Variants in NNAT observed in about 807,000 individuals in gnomAD.
The protein encoded by NNAT is neuronatin.
In NNAT, 8 loss-of-function variants were observed where a neutral mutation model predicts 12.7. The observed-to-expected ratio is 0.63, with a 90% CI of 0.37 to 1.14. The LOEUF (loss-of-function observed/expected upper bound fraction) is 1.14, where lower values mean the gene tolerates loss of function less well. NNAT is among the 50% of genes most tolerant of loss of function. The probability of loss-of-function intolerance (pLI) is 0.01; values close to 1 mark genes in which losing one functional copy is unlikely to be tolerated. For synonymous variants in NNAT, 52 were observed against 48.5 expected, an observed-to-expected ratio of 1.07 and a Z score of -0.30; for missense variants, 94 against 108.3, an observed-to-expected ratio of 0.87 and a Z score of 0.59.
In NNAT at chr20:37,522,905, T is replaced by G. The variant is rs1330775582; in HGVS notation, c.*146T>G. On this transcript the variant is annotated 3_prime_UTR_variant, in exon 3 of 3. Coordinates refer to ENST00000649451, the MANE Select transcript of NNAT (RefSeq NM_005386.4). ...CTTGGCAAGGTCAGTGAGGGGCCAG[T>G]AGACCCCCGGAGAAGCAGTACCGAC... The G allele has an allele frequency of 3.1e-6, 2 of 642,348 alleles. No individual in the cohort carries two copies. Among genetic ancestry groups the G allele is most frequent in the Non-Finnish European group, 5.3e-6 (2 of 379,158 alleles). The allele number at this position is 642,348 out of a possible 1,614,324, so 39.8% of individuals were successfully genotyped here. A position where few individuals can be genotyped will look rare whatever the true frequency, so the allele number is the denominator to read the frequency against.
Position 37,522,659 on chromosome 20 carries a change from C to G in NNAT, c.154-8C>G. 6.2e-7 allele frequency: 1 copy of G among 1,607,856 alleles called. No individual in the cohort carries two copies. Among genetic ancestry groups the G allele is most frequent in the Non-Finnish European group, 8.5e-7 (1 of 1,177,372 alleles). On this transcript the variant is annotated splice_polypyrimidine_tract_variant and splice_region_variant and intron_variant, in intron 2 of 2. Transcript: ENST00000649451. ...CACTAAGGGTGGGTCCTGGGTTTCT[C>G]GTCGCAGGTGTTCAGGTACTCCCTG... is the stretch of plus-strand genomic sequence containing the variant.
At chr20:37,522,007 GA>G (rs552135341) in intron 1 of NNAT, among the ~76,000 whole-genome samples, 2 of 149,704 alleles carry the variant, frequency 1.3e-5, no homozygotes, top group East Asian at 1.9e-4. Context: ...GCACTTGGCA[GA>G]AAAAAATGCA....
rs925403570 is a variant in NNAT at position 37,522,860 on chromosome 20, G to C, written c.*101G>C. 3.6e-6 allele frequency: 4 copies of C among 1,098,190 alleles called. No homozygotes were observed. In the East Asian group the frequency reaches 1.1e-4, roughly 29 times the overall value. 68.0% of individuals were successfully genotyped at this position (1,098,190 alleles called of 1,614,324 possible). A position where few individuals can be genotyped will look rare whatever the true frequency, so the allele number is the denominator to read the frequency against. On this transcript the variant is annotated 3_prime_UTR_variant, in exon 3 of 3. Transcript: ENST00000649451. ...CGCGCAGGAATGTGGGGTCCCCTGT[G>C]TTCCCTCGCCAGAGGAGCACTTGGC... is the stretch of plus-strand genomic sequence containing the variant.
chr20:37,522,469 G>C, intron 2 of NNAT, 31 bp downstream of exon 2: 1 of 1,591,800 alleles, frequency 6.3e-7, no homozygotes, highest in African/African-American at 1.3e-5. Context: ...CAATCAGCTT[G>C]CCGCCATGCA....
chr20:37,522,189 A>AT (rs1555806945), intron 1 of NNAT, among the ~76,000 whole-genome samples, 169 bp from the exon 2 acceptor site: 39,354 of 73,600 alleles, frequency 0.53, 6,270 homozygotes, highest in South Asian at 0.66. Context: ...ACAAAAAAAA[A>AT]AATAATAATA....
chr20:37,522,384 G>A lies in NNAT; in HGVS notation c.99G>A (p.Trp33Ter). The A allele has an allele frequency of 6.2e-7, 1 of 1,613,754 alleles. No homozygotes were observed. Among genetic ancestry groups the A allele is most frequent in the Non-Finnish European group, 8.5e-7 (1 of 1,179,884 alleles). Reference sequence around the variant, plus strand: ...TGTTCCTGGAATGCTGCATTTACTGGGTAGGATTCGCTTTTCGAAATCCTC... The same window carrying A: ...TGTTCCTGGAATGCTGCATTTACTGAGTAGGATTCGCTTTTCGAAATCCTC... Reference protein sequence around the residue: ...LQVFLECCIYWVGFAFRNPPG... With the variant: ...LQVFLECCIY Residue 33 changes from tryptophan to a stop codon, truncating the protein, a stop_gained, in exon 2 of 3, where the codon TGG becomes TGA. Coordinates refer to ENST00000649451, the MANE Select transcript of NNAT (RefSeq NM_005386.4). LOFTEE classifies it high-confidence loss of function.
In NNAT at chr20:37,523,464, C is replaced by G. The variant is rs2071660752; in HGVS notation, c.*705C>G. 1 of 152,762 alleles carries G rather than the reference C, an allele frequency of 6.5e-6. No homozygotes were observed. Among genetic ancestry groups the G allele is most frequent in the Admixed American group, 6.5e-5 (1 of 15,290 alleles). The allele number at this position is 152,762 out of a possible 1,614,324, so 9.5% of individuals were successfully genotyped here. ...TTACTAAAACACTTTCTCTGAACCC[C>G]CCTTGCCCCTCACTGATCTTGCTTT... On this transcript the variant is annotated 3_prime_UTR_variant, in exon 3 of 3. Coordinates refer to ENST00000649451, the MANE Select transcript of NNAT (RefSeq NM_005386.4).
rs1295042525 is a variant in NNAT, at chr20:37,521,762, A to G, written c.72+359A>G. 5.0e-5 allele frequency: 10 copies of G among 198,570 alleles called. No homozygotes were observed. Among genetic ancestry groups the G allele is most frequent in the Non-Finnish European group, 1.0e-5 (1 of 98,900 alleles). The allele number at this position is 198,570 out of a possible 1,614,324, so 12.3% of individuals were successfully genotyped here. A position where few individuals can be genotyped will look rare whatever the true frequency, so the allele number is the denominator to read the frequency against. The stretch of plus-strand genomic sequence containing the variant: ...GCACTACTGTGTTGAAAGACTTTAC[A>G]GCTCGCAGAGTGAAAATTTTCCACC... On this transcript the variant is annotated intron_variant, in intron 1 of 2. Transcript: ENST00000649451. This position sits in a 1 kb window ranked among gnomAD's most constrained non-coding sequence, Gnocchi z 4.5.
Position 37,521,734 on chromosome 20 carries a change from G to A in NNAT, c.72+331G>A, listed in dbSNP as rs1028268352. The A allele has an allele frequency of 6.6e-5, 20 of 303,732 alleles. No homozygotes were observed. Among genetic ancestry groups the A allele is most frequent in the African/African-American group, 4.2e-4 (19 of 45,724 alleles). 18.8% of individuals were successfully genotyped at this position (303,732 alleles called of 1,614,324 possible). A position where few individuals can be genotyped will look rare whatever the true frequency, so the allele number is the denominator to read the frequency against. ...CCGGACTCGACCCCAGGAGGGAGGC[G>A]GGGCACTACTGTGTTGAAAGACTTT... is the stretch of plus-strand genomic sequence containing the variant. On this transcript the variant is annotated intron_variant, in intron 1 of 2. Coordinates refer to ENST00000649451, the MANE Select transcript of NNAT (RefSeq NM_005386.4). The surrounding 1 kb of genome is among the most constrained non-coding windows in gnomAD (Gnocchi z 4.5).
chr20:37,522,694 G>A lies in NNAT; in HGVS notation c.181G>A (p.Ala61Thr), dbSNP rs1218987541. 6.2e-7 allele frequency: 1 copy of A among 1,612,270 alleles called. No homozygotes were observed. The highest frequency in any genetic ancestry group is 2.2e-5 in the East Asian group (1 of 44,798). The change falls in exon 3 of 3, where the codon GCA becomes ACA. Residue 61 changes from alanine to threonine, a missense_variant. Transcript: ENST00000649451. The stretch of plus-strand genomic sequence containing the variant: ...GTTCAGGTACTCCCTGCAGAAGCTG[G>A]CATACACGGTGTCGCGGACCGGGCG... ...EVFRYSLQKL[A>T]YTVSRTGRQV...
In NNAT at chr20:37,521,275, A is replaced by G; in HGVS notation, c.-57A>G. On this transcript the variant is annotated 5_prime_UTR_variant, in exon 1 of 3. Coordinates refer to ENST00000649451, the MANE Select transcript of NNAT (RefSeq NM_005386.4). This position sits in a 1 kb window ranked among gnomAD's most constrained non-coding sequence, Gnocchi z 4.5. ...AGTGCGCCCAACAGCGGACTCCGAG[A>G]CCAGCGGATCTCGGCAAACCCTCTT... is the stretch of plus-strand genomic sequence containing the variant. 1 of 1,579,250 alleles carries G rather than the reference A, an allele frequency of 6.3e-7. No individual in the cohort carries two copies. Among genetic ancestry groups the G allele is most frequent in the South Asian group, 1.1e-5 (1 of 90,310 alleles).
At position 37,523,609 on chromosome 20, in the gene NNAT, C is replaced by T. The variant is rs1443689364; in HGVS notation, c.*850C>T. 1.3e-5 allele frequency: 2 copies of T among 152,696 alleles called. No individual in the cohort carries two copies. The highest frequency in any genetic ancestry group is 1.9e-4 in the East Asian group (1 of 5,200). The allele number at this position is 152,696 out of a possible 1,614,324, so 9.5% of individuals were successfully genotyped here. On this transcript the variant is annotated 3_prime_UTR_variant, in exon 3 of 3. Transcript: ENST00000649451. ...GTAAGCTCCTGGAGGACAGGGACCA[C>T]CTCTACAAAAAATAAAAAAAGTACC...
intron 2 of NNAT, 69 bp from the exon 3 acceptor site, chr20:37,522,598 G>GCGC: frequency 2.3e-6 from 2 of 864,472 alleles, no homozygotes; most frequent in African/African-American, 1.8e-5. Flanking sequence ...GCGGGGGTGG[G>GCGC]CACGGCAGCA....
chr20:37,522,386 T>C lies in NNAT; in HGVS notation c.101T>C (p.Val34Ala). 1 of 1,613,958 alleles carries C rather than the reference T, an allele frequency of 6.2e-7. No individual in the cohort carries two copies. Among genetic ancestry groups the C allele is most frequent in the Non-Finnish European group, 8.5e-7 (1 of 1,179,962 alleles). ...TTCCTGGAATGCTGCATTTACTGGG[T>C]AGGATTCGCTTTTCGAAATCCTCCA... ...QVFLECCIYWVGFAFRNPPGT... is the reference protein window; with the variant it reads ...QVFLECCIYWAGFAFRNPPGT... The change falls in exon 2 of 3, where the codon GTA (valine) becomes GCA (alanine). Residue 34 changes from valine (V) to alanine (A), a missense_variant. Coordinates refer to ENST00000649451, the MANE Select transcript of NNAT (RefSeq NM_005386.4).
chr20:37,522,611 A>G, intron 2 of NNAT, 56 bp from the exon 3 acceptor site: 1 of 1,513,960 alleles, frequency 6.6e-7, no homozygotes, highest in Non-Finnish European at 9.0e-7. Context: ...CGGCAGCACC[A>G]CAGACATGCT....
intron 1 of NNAT, 89 bp from the exon 2 acceptor site, chr20:37,522,269 T>C (rs1043453247): frequency 1.9e-5 from 19 of 991,674 alleles, no homozygotes; most frequent in Non-Finnish European, 2.8e-5. Context: ...GCTTTGCCCA[T>C]AAAATCATTT....
rs1601095374 is a variant in NNAT at position 37,522,811 on chromosome 20, C to T, written c.*52C>T. Reference sequence around the variant, plus strand: ...CGTATCATCAGGTGCTCCTGTGCATCTCGGCCAGCACGGGAGCCAGTGCCG... The same window carrying T: ...CGTATCATCAGGTGCTCCTGTGCATTTCGGCCAGCACGGGAGCCAGTGCCG... On this transcript the variant is annotated 3_prime_UTR_variant, in exon 3 of 3. Transcript: ENST00000649451. 6.7e-7 allele frequency: 1 copy of T among 1,491,392 alleles called. No homozygotes were observed. Among genetic ancestry groups the T allele is most frequent in the South Asian group, 1.2e-5 (1 of 81,368 alleles). 92.4% of individuals were successfully genotyped at this position (1,491,392 alleles called of 1,614,324 possible).
intron 2 of NNAT, 69 bp from the exon 3 acceptor site, chr20:37,522,598 G>GGCGCC: frequency 2.3e-6 from 2 of 864,474 alleles, no homozygotes; most frequent in Non-Finnish European, 3.4e-6. Context: ...GCGGGGGTGG[G>GGCGCC]CACGGCAGCA....
At position 37,523,050 on chromosome 20, in the gene NNAT, A is replaced by C. The variant is rs2071644237; in HGVS notation, c.*291A>C. 5.4e-6 allele frequency: 2 copies of C among 372,618 alleles called. No individual in the cohort carries two copies. Among genetic ancestry groups the C allele is most frequent in the East Asian group, 4.3e-5 (1 of 23,202 alleles). The allele number at this position is 372,618 out of a possible 1,614,324, so 23.1% of individuals were successfully genotyped here. A position where few individuals can be genotyped will look rare whatever the true frequency, so the allele number is the denominator to read the frequency against. Reference sequence around the variant, plus strand: ...CCTGAGATCTGGGCATAGGCACCGCATTCTGATCTGGACAAAGTCGGGACA... The same window carrying C: ...CCTGAGATCTGGGCATAGGCACCGCCTTCTGATCTGGACAAAGTCGGGACA... On this transcript the variant is annotated 3_prime_UTR_variant, in exon 3 of 3. Transcript: ENST00000649451.
Sources: allele counts gnomAD v4.1 joint callset (sites outside exome capture counted in the v4.1 genomes callset), GRCh38; gene constraint gnomAD v4.1.1; non-coding constraint Gnocchi (gnomAD v3.1); transcripts MANE v1.5; gene names NCBI Gene and HGNC (gene_info 2026-07-23, HGNC 2026-07-21).